The following LMBRD1 variants were observed in gnomAD, a reference collection of about 807,000 sequenced individuals.
LMBRD1 encodes lysosomal cobalamin transport escort protein LMBD1.
Under a neutral mutation model 74.8 loss-of-function variants are expected in LMBRD1, and 64 were observed. The ratio of observed to expected loss-of-function variants is 0.86; its 90% CI spans 0.70 to 1.05. The LOEUF (loss-of-function observed/expected upper bound fraction) is 1.05, where lower values mean the gene tolerates loss of function less well. LMBRD1 is among the 50% of genes least tolerant of loss of function. The pLI is 0.00. For synonymous variants in LMBRD1, 204 were observed against 216.3 expected (o/e 0.94, Z 0.50); for missense variants, 652 against 645.9 (o/e 1.01, Z -0.10).
intron 9 of LMBRD1, chr6:69,706,121 G>A: frequency 1.7e-6 from 1 of 587,050 alleles, no homozygotes; most frequent in East Asian, 3.6e-5. Flanking sequence ...TAGTTCCAGG[G>A]CCTCCGGGGG....
At chr6:69,765,444 T>G (rs1765458640) in intron 3 of LMBRD1, among the ~76,000 whole-genome samples, 1 of 152,206 alleles carries the variant, frequency 6.6e-6, no homozygotes, top group Non-Finnish European at 1.5e-5. Flanking sequence ...ATTTTTGGAC[T>G]CTGAATTTTA....
chr6:69,771,366 T>C (rs755048853), intron 3 of LMBRD1, among the ~76,000 whole-genome samples: 6 of 152,288 alleles, frequency 3.9e-5, no homozygotes, highest in Non-Finnish European at 7.4e-5. Flanking sequence ...GTACACAAAC[T>C]GGCAGCTTGG....
intron 2 of LMBRD1, among the ~76,000 whole-genome samples, chr6:69,784,221 CA>C (rs1428218168): frequency 6.6e-6 from 1 of 152,062 alleles, no homozygotes; most frequent in Non-Finnish European, 1.5e-5. Flanking sequence ...ATTTAGGACA[CA>C]AAAGAATGTG....
At chr6:69,697,270 T>C (rs530072682) in intron 14 of LMBRD1, among the ~76,000 whole-genome samples, 60 of 152,144 alleles carry the variant, frequency 3.9e-4, no homozygotes, top group Non-Finnish European at 7.1e-4. Flanking sequence ...CAAACTCCTT[T>C]ATGTTTTTAA....
At chr6:69,719,140 T>C (rs906886254) in intron 7 of LMBRD1, 59 bp from the exon 8 acceptor site, 1 of 1,527,086 alleles carries the variant, frequency 6.5e-7, no homozygotes. Flanking sequence ...TTATACACAA[T>C]TTTAGGTTAA....
chr6:69,785,718 T>C (rs1364510138), intron 2 of LMBRD1, among the ~76,000 whole-genome samples: 1 of 152,222 alleles, frequency 6.6e-6, no homozygotes, highest in East Asian at 1.9e-4. Context: ...CTTTATCTTT[T>C]ACCTTCATTA....
At chr6:69,749,806 T>C (rs574823871) in intron 4 of LMBRD1, among the ~76,000 whole-genome samples, 1 of 149,994 alleles carries the variant, frequency 6.7e-6, no homozygotes, top group Non-Finnish European at 1.5e-5. Flanking sequence ...CGTTTGTGTT[T>C]GAGTATATAC....
intron 3 of LMBRD1, among the ~76,000 whole-genome samples, chr6:69,755,929 G>A (rs960300469): frequency 6.6e-6 from 1 of 152,130 alleles, no homozygotes; most frequent in Non-Finnish European, 1.5e-5. Context: ...CTAATCTTGT[G>A]TGATAAACAA....
chr6:69,691,149 CT>C lies in LMBRD1; in HGVS notation c.1417+6413del, dbSNP rs55678819. On this transcript the variant is annotated intron_variant, in intron 14 of 15. Coordinates refer to ENST00000649934, the MANE Select transcript of LMBRD1 (RefSeq NM_018368.4). ...AAAAGCAGCAACGGCCTCTCTCTCT[CT>C]TTTTTTTTTTAACAATTTAAAGGAC... Among the ~76,000 whole-genome samples, 496 of 142,986 alleles carry C rather than the reference CT, an allele frequency of 3.5e-3. 5 individuals carry two copies. Among genetic ancestry groups the C allele is most frequent in the African/African-American group, 0.012 (457 of 37,180 alleles). 93.8% of individuals were successfully genotyped at this position (142,986 alleles called of 152,430 possible).
chr6:69,787,746 A>G (rs1194685089), intron 2 of LMBRD1, among the ~76,000 whole-genome samples: 1 of 152,198 alleles, frequency 6.6e-6, no homozygotes, highest in Non-Finnish European at 1.5e-5. Flanking sequence ...CAACTGATGA[A>G]TAACTAATAT....
intron 5 of LMBRD1, among the ~76,000 whole-genome samples, chr6:69,747,401 G>A (rs1460257580): frequency 6.6e-6 from 1 of 152,204 alleles, no homozygotes; most frequent in African/African-American, 2.4e-5. Context: ...CCAGAACCAT[G>A]AGAAAATAAA....
intron 9 of LMBRD1, among the ~76,000 whole-genome samples, chr6:69,706,549 G>A (rs1214178396): frequency 1.3e-5 from 2 of 152,010 alleles, no homozygotes; most frequent in East Asian, 1.9e-4. Flanking sequence ...CTGTACATTT[G>A]GAGAAAAGGT....
At chr6:69,769,745 T>C (rs941741228) in intron 3 of LMBRD1, among the ~76,000 whole-genome samples, 2 of 43,312 alleles carry the variant, frequency 4.6e-5, no homozygotes, top group African/African-American at 1.5e-4. Flanking sequence ...TTTTAGTGTT[T>C]TTTTTTTTTA....
At chr6:69,704,664 TG>T (rs1766209802) in intron 9 of LMBRD1, among the ~76,000 whole-genome samples, 1 of 117,064 alleles carries the variant, frequency 8.5e-6, no homozygotes, top group Non-Finnish European at 1.8e-5. Flanking sequence ...AGTTAGGTAG[TG>T]GTCTGTCTAT....
chr6:69,780,593 C>T, intron 2 of LMBRD1, 39 bp from the exon 3 acceptor site: 1 of 1,454,198 alleles, frequency 6.9e-7, no homozygotes, highest in African/African-American at 1.4e-5. Flanking sequence ...TAATGAAACA[C>T]CCATTTGCCT....
chr6:69,715,317 A>G (rs1022383532), intron 8 of LMBRD1, among the ~76,000 whole-genome samples: 8 of 152,270 alleles, frequency 5.3e-5, no homozygotes, highest in Admixed American at 5.2e-4. Context: ...AAAAAATAGT[A>G]AACTGATTAA....
intron 6 of LMBRD1, among the ~76,000 whole-genome samples, chr6:69,741,003 G>T (rs1325269334): frequency 6.6e-6 from 1 of 151,786 alleles, no homozygotes; most frequent in Non-Finnish European, 1.5e-5. Flanking sequence ...TTTTGATGAG[G>T]TAAATTTATA....
intron 9 of LMBRD1, among the ~76,000 whole-genome samples, chr6:69,702,351 T>C (rs955891084): frequency 8.6e-5 from 13 of 151,620 alleles, no homozygotes; most frequent in Non-Finnish European, 1.5e-4. Flanking sequence ...TTAGTTAAAA[T>C]AGAAAATTTA....
At chr6:69,730,222 C>T (rs1263646698) in intron 7 of LMBRD1, among the ~76,000 whole-genome samples, 1 of 152,038 alleles carries the variant, frequency 6.6e-6, no homozygotes, top group Non-Finnish European at 1.5e-5. Context: ...TCTTTTACCG[C>T]TCAGTTTAGA....
Sources: gnomAD v4.1 joint callset for allele counts (sites outside exome capture counted in the v4.1 genomes callset) on GRCh38, gnomAD v4.1.1 for gene constraint, MANE v1.5 for transcripts, NCBI Gene and HGNC (gene_info 2026-07-23, HGNC 2026-07-21) for gene names.